CDH19: variants seen among roughly 807,000 people sequenced by gnomAD.
The protein encoded by CDH19 is cadherin-19.
In CDH19, 67 loss-of-function variants were observed where a neutral mutation model predicts 64.2. That is an observed-to-expected ratio of 1.04 (90% confidence interval 0.86 to 1.28). CDH19 has a LOEUF of 1.28. Ranked by LOEUF, CDH19 falls within the 50% of genes most tolerant of loss-of-function variation. The pLI is 0.00. For missense variants in CDH19, 1,030 were observed against 929.0 expected, an observed-to-expected ratio of 1.11 and a Z score of -1.41; for synonymous variants, 346 against 319.3, an observed-to-expected ratio of 1.08 and a Z score of -0.89.
chr18:66,588,156 C>T (rs753837286), intron 1 of CDH19, among the ~76,000 whole-genome samples: 1 of 152,040 alleles, frequency 6.6e-6, no homozygotes, highest in Non-Finnish European at 1.5e-5. Flanking sequence ...AAGCTGTGCA[C>T]ATCACGCTGG....
At chr18:66,597,693 A>T (rs1013879039) in intron 1 of CDH19, among the ~76,000 whole-genome samples, 5 of 152,094 alleles carry the variant, frequency 3.3e-5, no homozygotes, top group Admixed American at 2.0e-4. Context: ...ATATTTGCAA[A>T]CTATTCATCC....
chr18:66,549,528 A>G (rs1463398151), intron 5 of CDH19, among the ~76,000 whole-genome samples: 1 of 152,152 alleles, frequency 6.6e-6, no homozygotes, highest in Non-Finnish European at 1.5e-5. Context: ...CATATACATC[A>G]TATGTGACAC....
intron 5 of CDH19, among the ~76,000 whole-genome samples, chr18:66,547,671 T>G (rs1056300639): frequency 7.3e-6 from 1 of 136,960 alleles, no homozygotes; most frequent in Non-Finnish European, 1.6e-5. Flanking sequence ...GTTTTTTTTT[T>G]TTTTTTTTTT....
At chr18:66,529,249 G>A (rs986076489) in intron 9 of CDH19, among the ~76,000 whole-genome samples, 2 of 150,442 alleles carry the variant, frequency 1.3e-5, no homozygotes, top group African/African-American at 2.4e-5. Flanking sequence ...GCAATTAAAC[G>A]CTACGAAAAA....
At chr18:66,577,911 G>A (rs2144595214) in intron 1 of CDH19, among the ~76,000 whole-genome samples, 1 of 151,876 alleles carries the variant, frequency 6.6e-6, no homozygotes, top group Non-Finnish European at 1.5e-5. Flanking sequence ...TGCATGCCTT[G>A]GTTCATATTC....
At chr18:66,585,898 C>G (rs532452318) in intron 1 of CDH19, among the ~76,000 whole-genome samples, 1 of 151,952 alleles carries the variant, frequency 6.6e-6, no homozygotes, top group Non-Finnish European at 1.5e-5. Context: ...CATATATAAG[C>G]TGAAAATGAG....
In CDH19 at chr18:66,592,474, G is replaced by A. The variant is rs537117061; in HGVS notation, c.-113+11480C>T. 1.2e-4 allele frequency among the ~76,000 whole-genome samples: 18 copies of A among 151,738 alleles called. No individual in the cohort carries two copies. In the South Asian group the frequency reaches 2.5e-3, roughly 21 times the overall value. On this transcript the variant is annotated intron_variant, in intron 1 of 11. Coordinates refer to ENST00000262150, the MANE Select transcript of CDH19 (RefSeq NM_021153.4). ...CACTGTACAGTGCTATAGAAAAGAC[G>A]AATTTGTTCCTCCTCTCTAGCCATA...
At chr18:66,594,590 T>G (rs971582744) in intron 1 of CDH19, among the ~76,000 whole-genome samples, 6 of 151,434 alleles carry the variant, frequency 4.0e-5, no homozygotes, top group African/African-American at 1.5e-4. Flanking sequence ...GCAATAACAA[T>G]AAAAATAAAT....
intron 1 of CDH19, among the ~76,000 whole-genome samples, chr18:66,593,490 G>A (rs1194037491): frequency 2.0e-5 from 3 of 152,002 alleles, no homozygotes; most frequent in East Asian, 1.9e-4. Context: ...TAGGATTATG[G>A]CAAAGATATT....
intron 1 of CDH19, among the ~76,000 whole-genome samples, chr18:66,580,175 G>A (rs970572860): frequency 2.0e-5 from 3 of 151,984 alleles, no homozygotes; most frequent in African/African-American, 2.4e-5. Flanking sequence ...TGATGACAAT[G>A]TATAGAAAGC....
intron 11 of CDH19, among the ~76,000 whole-genome samples, chr18:66,507,391 C>G (rs1016786264): frequency 6.6e-6 from 1 of 151,824 alleles, no homozygotes; most frequent in African/African-American, 2.4e-5. Flanking sequence ...GTCAGTTTGA[C>G]ATTTCAGAAA....
intron 5 of CDH19, among the ~76,000 whole-genome samples, chr18:66,548,739 T>C (rs1987230983): frequency 6.6e-6 from 1 of 152,180 alleles, no homozygotes; most frequent in Admixed American, 6.5e-5. Flanking sequence ...TTTGAGGTCG[T>C]TAATTGGAAA....
chr18:66,509,474 G>A (rs978004889), intron 10 of CDH19, among the ~76,000 whole-genome samples: 2 of 151,638 alleles, frequency 1.3e-5, no homozygotes, highest in African/African-American at 4.8e-5. Flanking sequence ...TTTAAATTAT[G>A]TAGTAAAATT....
chr18:66,515,237 T>C (rs752202253), intron 9 of CDH19, among the ~76,000 whole-genome samples: 2 of 151,710 alleles, frequency 1.3e-5, no homozygotes, highest in Admixed American at 6.6e-5. Context: ...AGGTATACCT[T>C]GTATTAGGCT....
intron 8 of CDH19, among the ~76,000 whole-genome samples, chr18:66,531,260 C>T (rs1053283443): frequency 1.3e-5 from 2 of 151,826 alleles, no homozygotes; most frequent in African/African-American, 2.4e-5. Flanking sequence ...AAATGTACAA[C>T]AAAAAAGAAT....
chr18:66,507,547 A>G (rs1390622368), intron 11 of CDH19, among the ~76,000 whole-genome samples: 5 of 151,848 alleles, frequency 3.3e-5, no homozygotes, highest in Admixed American at 6.6e-5. Context: ...ATAGTCCTGA[A>G]AGCCTGATTA....
intron 11 of CDH19, among the ~76,000 whole-genome samples, chr18:66,507,261 G>C (rs1985247773): frequency 6.7e-6 from 1 of 148,636 alleles, no homozygotes; most frequent in East Asian, 2.0e-4. Flanking sequence ...CTGAAGCTAG[G>C]TCCTAAACAA....
intron 7 of CDH19, among the ~76,000 whole-genome samples, chr18:66,537,397 A>G (rs1986715186): frequency 6.6e-6 from 1 of 151,942 alleles, no homozygotes; most frequent in Non-Finnish European, 1.5e-5. Flanking sequence ...GGAATAACAC[A>G]GACATGATAT....
At chr18:66,561,300 A>G (rs1163602656) in intron 3 of CDH19, among the ~76,000 whole-genome samples, 1 of 152,146 alleles carries the variant, frequency 6.6e-6, no homozygotes, top group Non-Finnish European at 1.5e-5. Flanking sequence ...ACAGAAACAT[A>G]GAAGTAAAGC....
Sources: gnomAD v4.1 joint callset for allele counts (sites outside exome capture counted in the v4.1 genomes callset) on GRCh38, gnomAD v4.1.1 for gene constraint, MANE v1.5 for transcripts, NCBI Gene and HGNC (gene_info 2026-07-23, HGNC 2026-07-21) for gene names.